The following SMARCC2 variants were observed in gnomAD, a reference collection of about 807,000 sequenced individuals.
SMARCC2 encodes SWI/SNF related BAF chromatin remodeling complex subunit C2.
In SMARCC2, 15 loss-of-function variants were observed where a neutral mutation model predicts 151.3. The observed-to-expected ratio is 0.10, with a 90% CI of 0.07 to 0.15. SMARCC2 has a LOEUF of 0.15. SMARCC2 is among the 10% of genes least tolerant of loss of function. The probability of loss-of-function intolerance (pLI) is 1.00; values close to 1 mark genes in which losing one functional copy is unlikely to be tolerated. For missense variants in SMARCC2, 1,031 were observed against 1,599.7 expected (o/e 0.64, Z 6.06); for synonymous variants, 590 against 609.5 (o/e 0.97, Z 0.47).
rs552624043 is a variant in SMARCC2, at chr12:56,163,459, CCTCT to C, written c.*226_*229del. ...CTTTAGGGCAGCATTCCCATCCTAT[CCTCT>C]CTCCCAGACATTATAAACATCTTTT... On this transcript the variant is annotated 3_prime_UTR_variant, in exon 29 of 29. Transcript: ENST00000550164. 335 of 346,310 alleles carry C rather than the reference CCTCT, an allele frequency of 9.7e-4. 3 individuals carry two copies. The highest frequency in any genetic ancestry group is 6.4e-3 in the African/African-American group (301 of 47,006). 21.5% of individuals were successfully genotyped at this position (346,310 alleles called of 1,614,324 possible).
chr12:56,172,713 G>A lies in SMARCC2; in HGVS notation c.1744-9C>T. On this transcript the variant is annotated splice_polypyrimidine_tract_variant and intron_variant, in intron 18 of 28. Transcript: ENST00000550164. ...TGGGAAGCAGAGGTCTGCTATTTGT[G>A]GAGGGAAAGAAACAGGTGAGTACAA... 6.2e-7 allele frequency: 1 copy of A among 1,614,034 alleles called. No homozygotes were observed. Among genetic ancestry groups the A allele is most frequent in the Non-Finnish European group, 8.5e-7 (1 of 1,180,040 alleles).
At chr12:56,180,520 C>T (rs1470787604) in intron 11 of SMARCC2, among the ~76,000 whole-genome samples, 2 of 151,886 alleles carry the variant, frequency 1.3e-5, no homozygotes. Context: ...TCTCCTGCCT[C>T]GGTCTCCCGA....
rs1872010912 is a variant in SMARCC2, at chr12:56,162,489, A to G, written c.*1200T>C. 2 of 572,818 alleles carry G rather than the reference A, an allele frequency of 3.5e-6. No homozygotes were observed. The highest frequency in any genetic ancestry group is 3.3e-5 in the Admixed American group (1 of 30,686). The allele number at this position is 572,818 out of a possible 1,614,324, so 35.5% of individuals were successfully genotyped here. On this transcript the variant is annotated 3_prime_UTR_variant, in exon 29 of 29. Transcript: ENST00000550164. Reference sequence around the variant, plus strand: ...GGGAGAGAAACATGGGGACATGAGGAACAAAGGGCCTGGTGGGAGGAACCA... The same window carrying G: ...GGGAGAGAAACATGGGGACATGAGGGACAAAGGGCCTGGTGGGAGGAACCA...
chr12:56,181,124 G>T, intron 10 of SMARCC2, 23 bp from the exon 11 acceptor site: 1 of 1,603,430 alleles, frequency 6.2e-7, no homozygotes, highest in Non-Finnish European at 8.5e-7. Context: ...GAGAGTGAAA[G>T]AGAACCCAGT....
intron 7 of SMARCC2, chr12:56,183,572 A>C: frequency 3.2e-6 from 1 of 313,390 alleles, no homozygotes; most frequent in Non-Finnish European, 6.0e-6. Context: ...ATACAAATTT[A>C]CTGAAACATT....
rs1592268183 is a variant in SMARCC2 at position 56,163,765 on chromosome 12, T to G, written c.3662A>C (p.Asp1221Ala). The change falls in exon 29 of 29, where the codon GAC becomes GCC. Residue 1221 changes from aspartate (D) to alanine (A), a missense_variant and splice_region_variant. By Grantham distance (126) the Asp-to-Ala change is moderately radical. Transcript: ENST00000550164. ...NLLPSASPLP[D>A]PGTPLPPDPT... ...GTCTGGAGGCAGGGGGGTGCCTGGG[T>G]CTGTGGAGAAAAGGAAGATAAATCA... The G allele has an allele frequency of 6.6e-7, 1 of 1,511,138 alleles. No homozygotes were observed. 93.6% of individuals were successfully genotyped at this position (1,511,138 alleles called of 1,614,324 possible). A position where few individuals can be genotyped will look rare whatever the true frequency, so the allele number is the denominator to read the frequency against.
Position 56,181,610 on chromosome 12 carries a change from GA to G in SMARCC2, c.841-14del, listed in dbSNP as rs762468613. 1 of 1,605,672 alleles carries G rather than the reference GA, an allele frequency of 6.2e-7. No individual in the cohort carries two copies. Among genetic ancestry groups the G allele is most frequent in the Admixed American group, 1.7e-5 (1 of 59,494 alleles). On this transcript the variant is annotated splice_polypyrimidine_tract_variant and intron_variant, in intron 9 of 28. Coordinates refer to ENST00000550164, the MANE Select transcript of SMARCC2 (RefSeq NM_001330288.2). ...CTGGGCTGTTCACCTATAGGATGGA[GA>G]ATCAGGACAAATGTCAGCCTACAAT... is the stretch of plus-strand genomic sequence containing the variant.
chr12:56,179,936 C>T (rs1183915766), intron 11 of SMARCC2, among the ~76,000 whole-genome samples: 1 of 152,084 alleles, frequency 6.6e-6, no homozygotes, highest in African/African-American at 2.4e-5. Flanking sequence ...CCGCCTGCCT[C>T]GGCCTCCCAA....
Position 56,189,314 on chromosome 12 carries a change from CCCCCGGTCCCCGCGCGGCCCGG to C in SMARCC2, c.111+15_111+36del. ...GCAGGGCCGCGGTCCCTTTGTCCCG[CCCCCGGTCCCCGCGCGGCCCGG>C]CCCGGCCCGCGTACCTTCTTGTAGT... On this transcript the variant is annotated intron_variant, in intron 1 of 28. Transcript: ENST00000550164. 7.4e-7 allele frequency: 1 copy of C among 1,351,110 alleles called. No individual in the cohort carries two copies. Among genetic ancestry groups the C allele is most frequent in the Non-Finnish European group, 1.0e-6 (1 of 990,316 alleles). The allele number at this position is 1,351,110 out of a possible 1,614,324, so 83.7% of individuals were successfully genotyped here. A position where few individuals can be genotyped will look rare whatever the true frequency, so the allele number is the denominator to read the frequency against.
intron 2 of SMARCC2, chr12:56,186,951 G>C: frequency 2.4e-6 from 1 of 408,578 alleles, no homozygotes; most frequent in South Asian, 2.6e-5. Context: ...GAGACCTGTG[G>C]ACTGATCCCA....
intron 7 of SMARCC2, 21 bp downstream of exon 7, chr12:56,183,840 G>A: frequency 6.3e-7 from 1 of 1,597,268 alleles, no homozygotes; most frequent in South Asian, 1.1e-5. Flanking sequence ...ACTTAAACCT[G>A]CCCCAGGAAC....
rs1445728329 is a variant in SMARCC2 at position 56,164,416 on chromosome 12, G to A, written c.3548C>T (p.Thr1183Ile). The change falls in exon 28 of 29, where the codon ACC becomes ATC. Residue 1183 changes from threonine to isoleucine, a missense_variant. Around this residue, in one of 12 missense-constraint regions of SMARCC2, gnomAD observed 310 missense variants for 350.0 expected, o/e 0.89. Transcript: ENST00000550164. ...CCCGAGAGGCAAGGAAGATGGCATG[G>A]TGGTGGTCGCCGGCAGGTTAGGATG... ...PLHPNLPATT[T>I]MPSSLPLGPG... 2 of 1,613,936 alleles carry A rather than the reference G, an allele frequency of 1.2e-6. No individual in the cohort carries two copies. The highest frequency in any genetic ancestry group is 2.7e-5 in the African/African-American group (2 of 74,942).
At chr12:56,174,496 G>C (rs1874559323) in intron 16 of SMARCC2, 155 bp downstream of exon 16, 3 of 601,856 alleles carry the variant, frequency 5.0e-6, no homozygotes, top group Non-Finnish European at 9.1e-6. Flanking sequence ...AATCCCTCAA[G>C]TCATTCATTC....
At chr12:56,165,227 C>T in intron 27 of SMARCC2, 91 bp downstream of exon 27, 2 of 1,406,148 alleles carry the variant, frequency 1.4e-6, no homozygotes, top group Non-Finnish European at 1.8e-6. Context: ...CTAACCTCAT[C>T]TCCACACTCA....
Position 56,165,551 on chromosome 12 carries a change from G to A in SMARCC2, c.2999C>T (p.Ser1000Phe), listed in dbSNP as rs1203017760. The change falls in exon 27 of 29, where the codon TCC becomes TTC. Residue 1000 changes from serine (S) to phenylalanine (F), a missense_variant. Coordinates refer to ENST00000550164, the MANE Select transcript of SMARCC2 (RefSeq NM_001330288.2). ...QQPPPALPPG[S>F]QPIPPTGAAG... ...AGCCCCTGTTGGGGGGATAGGCTGG[G>A]AGCCTGGGGGCAGGGCTGGTGGTGG... The A allele has an allele frequency of 1.2e-6, 2 of 1,612,742 alleles. No individual in the cohort carries two copies. Among genetic ancestry groups the A allele is most frequent in the East Asian group, 4.5e-5 (2 of 44,876 alleles).
In SMARCC2 at chr12:56,171,479, G is replaced by A; in HGVS notation, c.2186-47C>T. 1.9e-6 allele frequency: 3 copies of A among 1,610,184 alleles called. No individual in the cohort carries two copies. The highest frequency in any genetic ancestry group is 2.5e-6 in the Non-Finnish European group (3 of 1,176,674). On this transcript the variant is annotated intron_variant, in intron 21 of 28. Coordinates refer to ENST00000550164, the MANE Select transcript of SMARCC2 (RefSeq NM_001330288.2). The surrounding 1 kb of genome is among the most constrained non-coding windows in gnomAD (Gnocchi z 4.2). ...AGGCTGGGAGCGGCACAGTGGAACA[G>A]TTCTGGCAATCCCTGCAAAAGCTTA...
At chr12:56,180,934 C>T (rs527925973) in intron 11 of SMARCC2, 43 bp downstream of exon 11, 106 of 1,575,772 alleles carry the variant, frequency 6.7e-5, no homozygotes, top group South Asian at 8.1e-5. Flanking sequence ...AGAGTCAAGA[C>T]GGGGAGTGGG....
chr12:56,176,559 GCT>G (rs1405697811), intron 15 of SMARCC2, among the ~76,000 whole-genome samples: 1 of 142,902 alleles, frequency 7.0e-6, no homozygotes, highest in Non-Finnish European at 1.5e-5. Context: ...CTCACTGCAA[GCT>G]CTGTCTCCCA....
At chr12:56,166,792 G>C (rs534045096) in intron 26 of SMARCC2, among the ~76,000 whole-genome samples, 2 of 152,048 alleles carry the variant, frequency 1.3e-5, no homozygotes, top group East Asian at 3.9e-4. Context: ...GGCTGGGCAC[G>C]GTGGCTCATG....
Sources: gnomAD v4.1 joint callset for allele counts (sites outside exome capture counted in the v4.1 genomes callset) on GRCh38, gnomAD v4.1.1 for gene constraint, gnomAD v4.1.1 regional missense constraint, Gnocchi (gnomAD v3.1) non-coding constraint, MANE v1.5 for transcripts, NCBI Gene and HGNC (gene_info 2026-07-23, HGNC 2026-07-21) for gene names.